The following CORO2A variants were observed in gnomAD, a reference collection of about 807,000 sequenced individuals.
CORO2A encodes the protein coronin-2A.
CORO2A carries 47 observed loss-of-function variants against 62.4 expected under a neutral mutation model. The observed-to-expected ratio is 0.75, with a 90% CI of 0.60 to 0.96. CORO2A has a LOEUF of 0.96. Among genes scored for constraint, CORO2A ranks in the 40% least tolerant of loss-of-function variants. The probability of loss-of-function intolerance (pLI) is 0.00; values close to 1 mark genes in which losing one functional copy is unlikely to be tolerated. For synonymous variants in CORO2A, 273 were observed against 268.9 expected (o/e 1.02, Z -0.15); for missense variants, 610 against 684.1 (o/e 0.89, Z 1.21).
chr9:98,149,594 C>G (rs1322194710), intron 2 of CORO2A, among the ~76,000 whole-genome samples: 1 of 152,190 alleles, frequency 6.6e-6, no homozygotes, highest in Non-Finnish European at 1.5e-5. Flanking sequence ...TGCCGCAGGC[C>G]ACGGGGAGGT....
At chr9:98,167,118 AAG>A (rs1554746441) in intron 1 of CORO2A, among the ~76,000 whole-genome samples, 1 of 151,684 alleles carries the variant, frequency 6.6e-6, no homozygotes, top group Non-Finnish European at 1.5e-5. Context: ...AAAAAAAAAA[AAG>A]AAAGAAAAGA....
intron 1 of CORO2A, among the ~76,000 whole-genome samples, chr9:98,185,124 C>A (rs923705935): frequency 1.3e-5 from 2 of 152,170 alleles, no homozygotes; most frequent in Admixed American, 6.5e-5. Flanking sequence ...CACTAACAAC[C>A]CAGCTCAGGC....
At chr9:98,183,845 C>T (rs1828206014) in intron 1 of CORO2A, among the ~76,000 whole-genome samples, 3 of 152,170 alleles carry the variant, frequency 2.0e-5, no homozygotes, top group Admixed American at 1.3e-4. Context: ...CCTGTGATCC[C>T]AGCTACTTGG....
In CORO2A at chr9:98,130,979, G is replaced by T; in HGVS notation, c.846C>A (p.Thr282=). 2 of 1,613,958 alleles carry T rather than the reference G, an allele frequency of 1.2e-6. No individual in the cohort carries two copies. Among genetic ancestry groups the T allele is most frequent in the Non-Finnish European group, 1.7e-6 (2 of 1,179,954 alleles). Residue 282 remains threonine (T), a synonymous_variant, in exon 7 of 12, where the codon ACC becomes ACA. Coordinates refer to ENST00000375077, the MANE Select transcript of CORO2A (RefSeq NM_052820.4). ...CCTTCCCCACCACGTAGAGCATGCT[G>T]GTGTCCGCGTCATAGAAGGGAAACA... ...GVLFPFYDAD[T]SMLYVVGKGD...
chr9:98,141,577 C>T (rs1340075531), intron 2 of CORO2A, among the ~76,000 whole-genome samples: 1 of 152,174 alleles, frequency 6.6e-6, no homozygotes, highest in Non-Finnish European at 1.5e-5. Flanking sequence ...TGGTCTTGAA[C>T]TCCTGACCTC....
chr9:98,153,688 ACACACT>A (rs746396757), intron 2 of CORO2A, among the ~76,000 whole-genome samples: 1 of 149,388 alleles, frequency 6.7e-6, no homozygotes, highest in East Asian at 2.0e-4. Flanking sequence ...ACACACACAC[ACACACT>A]CACACACACA....
At chr9:98,129,641 C>T (rs1414587096) in intron 8 of CORO2A, among the ~76,000 whole-genome samples, 153 bp downstream of exon 8, 2 of 152,244 alleles carry the variant, frequency 1.3e-5, no homozygotes, top group African/African-American at 4.8e-5. Context: ...GTACAGCCCC[C>T]ACCAAGTCAG....
chr9:98,191,433 G>T (rs1439672179), intron 1 of CORO2A, among the ~76,000 whole-genome samples: 1 of 152,222 alleles, frequency 6.6e-6, no homozygotes, highest in Admixed American at 6.5e-5. Flanking sequence ...GCCTGGGGCT[G>T]CTGGGTCTGG....
rs759762430 is a variant in CORO2A at position 98,133,154 on chromosome 9, A to G, written c.532T>C (p.Cys178Arg). 1.9e-6 allele frequency: 3 copies of G among 1,614,110 alleles called. No homozygotes were observed. The highest frequency in any genetic ancestry group is 2.5e-6 in the Non-Finnish European group (3 of 1,180,050). ...ATGGAGAGGATCACATCTTGGTGAC[A>G]GCTAATCGTACTCATGGGGCTTGTG... Reference protein sequence around the residue: ...VITSPMSTISCHQDVILSMSF... With the variant: ...VITSPMSTISRHQDVILSMSF... Residue 178 changes from cysteine (C) to arginine (R), a missense_variant, in exon 5 of 12, where the codon TGT (cysteine) becomes CGT (arginine). Physicochemically the swap from Cys to Arg is radical, Grantham distance 180. Transcript: ENST00000375077.
At position 98,124,846 on chromosome 9, in the gene CORO2A, G is replaced by A. The variant is rs545202461; in HGVS notation, c.1506C>T (p.Thr502=). ...ACTGTTTGGCCTGGACCTCTCGCTGGGTCAACAGCTCCCGGAGCCTTCGGA... is the reference window on the plus strand; with the variant it reads ...ACTGTTTGGCCTGGACCTCTCGCTGAGTCAACAGCTCCCGGAGCCTTCGGA... ...EEIRRLRELL[T]QREVQAKQLE... is the part of the protein sequence containing the mutation. Residue 502 remains threonine, a synonymous_variant, in exon 12 of 12, where the codon ACC becomes ACT. Coordinates refer to ENST00000375077, the MANE Select transcript of CORO2A (RefSeq NM_052820.4). The A allele has an allele frequency of 8.1e-6, 13 of 1,602,816 alleles. No individual in the cohort carries two copies. In the East Asian group the frequency reaches 2.7e-4, roughly 33 times the overall value.
intron 2 of CORO2A, among the ~76,000 whole-genome samples, chr9:98,155,287 T>C (rs192197274): frequency 9.2e-5 from 14 of 152,164 alleles, no homozygotes; most frequent in East Asian, 1.9e-4. Context: ...CCTTTTCCAC[T>C]CTATAGCTCG....
At chr9:98,128,773 T>C in intron 8 of CORO2A, 54 bp from the exon 9 acceptor site, 1 of 1,480,840 alleles carries the variant, frequency 6.8e-7, no homozygotes, top group South Asian at 1.1e-5. Context: ...GGCCACAGTG[T>C]TAGGGCCAAA....
At position 98,144,081 on chromosome 9, in the gene CORO2A, C is replaced by T. The variant is rs369884589; in HGVS notation, c.202-6393G>A. On this transcript the variant is annotated intron_variant, in intron 2 of 11. Transcript: ENST00000375077. ...ATGCACACCTGTGGTCCCAGCTACT[C>T]GGGAGGCTGAGGCAGGAGGATCACT... Among the ~76,000 whole-genome samples, 21 of 151,482 alleles carry T rather than the reference C, an allele frequency of 1.4e-4. No homozygotes were observed. The South Asian group carries it at 2.9e-3, about 21-fold the overall frequency.
At chr9:98,129,951 A>G (rs867069506) in intron 7 of CORO2A, 61 bp from the exon 8 acceptor site, 2 of 1,321,102 alleles carry the variant, frequency 1.5e-6, no homozygotes, top group Middle Eastern at 1.8e-4. Flanking sequence ...TCAGCTCATC[A>G]GCAACCCAGC....
chr9:98,166,504 C>A (rs1369320129), intron 1 of CORO2A, among the ~76,000 whole-genome samples: 1 of 152,282 alleles, frequency 6.6e-6, no homozygotes, highest in South Asian at 2.1e-4. Flanking sequence ...AGAACTCTGA[C>A]AACTCAACAA....
intron 2 of CORO2A, among the ~76,000 whole-genome samples, chr9:98,152,310 G>A (rs1433353101): frequency 6.6e-6 from 1 of 151,898 alleles, no homozygotes; most frequent in Non-Finnish European, 1.5e-5. Context: ...TTTATTTTGA[G>A]ACAGGGTGTC....
intron 1 of CORO2A, among the ~76,000 whole-genome samples, chr9:98,169,822 C>T (rs1828009337): frequency 1.3e-5 from 2 of 152,160 alleles, no homozygotes; most frequent in East Asian, 3.9e-4. Flanking sequence ...TCAGGTAAGT[C>T]GCTGGGTGGC....
At chr9:98,145,129 G>A (rs1217146775) in intron 2 of CORO2A, among the ~76,000 whole-genome samples, 1 of 152,168 alleles carries the variant, frequency 6.6e-6, no homozygotes, top group African/African-American at 2.4e-5. Flanking sequence ...AGGGTTTACT[G>A]TAGAATCCAA....
At position 98,168,316 on chromosome 9, in the gene CORO2A, G is replaced by C. The variant is rs114874639; in HGVS notation, c.1-10656C>G. Among the ~76,000 whole-genome samples the C allele has an allele frequency of 3.0e-3, 455 of 152,254 alleles. 3 individuals are homozygous for C. The highest frequency in any genetic ancestry group is 0.011 in the African/African-American group (445 of 41,540). ...CTATCATTTCCTATCTGCCACTCTG[G>C]GCAAGTTACTTAATGTGTCTATTTC... On this transcript the variant is annotated intron_variant, in intron 1 of 11. Coordinates refer to ENST00000375077, the MANE Select transcript of CORO2A (RefSeq NM_052820.4).
Sources: gnomAD v4.1 joint callset for allele counts (sites outside exome capture counted in the v4.1 genomes callset) on GRCh38, gnomAD v4.1.1 for gene constraint, MANE v1.5 for transcripts, NCBI Gene and HGNC (gene_info 2026-07-23, HGNC 2026-07-21) for gene names.